RBFOX3: variants seen among roughly 807,000 people sequenced by gnomAD.
RBFOX3 encodes RNA binding protein fox-1 homolog 3.
RBFOX3 carries 17 observed loss-of-function variants against 48.7 expected under a neutral mutation model. The observed-to-expected ratio is 0.35, with a 90% CI of 0.24 to 0.52. The LOEUF is 0.52. RBFOX3 is among the 20% of genes least tolerant of loss of function. The pLI, the probability that RBFOX3 is intolerant of heterozygous loss-of-function variation, is 0.94. For missense variants in RBFOX3, 382 were observed against 497.5 expected (o/e 0.77, Z 2.21); for synonymous variants, 212 against 209.5 (o/e 1.01, Z -0.10).
chr17:79,127,385 G>C (rs2037573061), intron 4 of RBFOX3, among the ~76,000 whole-genome samples: 1 of 152,242 alleles, frequency 6.6e-6, no homozygotes, highest in Non-Finnish European at 1.5e-5. Flanking sequence ...GGAGAAGCAG[G>C]TGTCCAGAGC....
At chr17:79,325,993 G>A (rs1279849144) in intron 2 of RBFOX3, among the ~76,000 whole-genome samples, 4 of 152,246 alleles carry the variant, frequency 2.6e-5, no homozygotes, top group African/African-American at 7.2e-5. Flanking sequence ...ACAGCTAGAA[G>A]AGTGTCCATT....
chr17:79,405,013 T>TGCTGGG (rs1386102791), intron 2 of RBFOX3, among the ~76,000 whole-genome samples: 1 of 152,192 alleles, frequency 6.6e-6, no homozygotes, highest in Admixed American at 6.5e-5. Context: ...CACGGCAGGA[T>TGCTGGG]GCTGGGACTC....
At chr17:79,467,519 A>G (rs1240109628) in intron 2 of RBFOX3, among the ~76,000 whole-genome samples, 5 of 152,192 alleles carry the variant, frequency 3.3e-5, no homozygotes, top group Non-Finnish European at 7.3e-5. Flanking sequence ...GGCATGTCCC[A>G]GCTGTGCACC....
At chr17:79,566,313 T>A (rs1475462671) in intron 1 of RBFOX3, among the ~76,000 whole-genome samples, 1 of 152,214 alleles carries the variant, frequency 6.6e-6, no homozygotes. Context: ...AGGCTGGGCC[T>A]GGGGTCTCCA....
intron 3 of RBFOX3, among the ~76,000 whole-genome samples, chr17:79,248,534 C>A (rs2063489769): frequency 6.6e-6 from 1 of 152,208 alleles, no homozygotes; most frequent in African/African-American, 2.4e-5. Flanking sequence ...GTCATTTCCA[C>A]GTGTTAAACT....
At chr17:79,555,375 A>G (rs1213239429) in intron 1 of RBFOX3, among the ~76,000 whole-genome samples, 70 of 1,298 alleles carry the variant, frequency 0.054, no homozygotes, top group Middle Eastern at 0.25. Flanking sequence ...TGATGATGGT[A>G]GTTGTGGTGG....
chr17:79,650,479 C>A, the RBFOX3 span, among the ~76,000 whole-genome samples: 1 of 152,004 alleles, frequency 6.6e-6, no homozygotes, highest in Non-Finnish European at 1.5e-5. Flanking sequence ...CTGCACCCTG[C>A]CAGCCTCATT....
Position 79,477,179 on chromosome 17 carries a change from G to C in RBFOX3, c.-175+5275C>G. On this transcript the variant is annotated intron_variant, in intron 2 of 14. Transcript: ENST00000693108. This position sits in a 1 kb window ranked among gnomAD's most constrained non-coding sequence, Gnocchi z 4.8. ...ACCCAGGAGGTAGAGGTTGCAGTGAGCTGAGATCGCGCCACTGCACTCCAG... is the reference window on the plus strand; with the variant it reads ...ACCCAGGAGGTAGAGGTTGCAGTGACCTGAGATCGCGCCACTGCACTCCAG... Among the ~76,000 whole-genome samples, 1 of 150,088 alleles carries C rather than the reference G, an allele frequency of 6.7e-6. No homozygotes were observed. The highest frequency in any genetic ancestry group is 6.7e-5 in the Admixed American group (1 of 15,004).
chr17:79,258,574 G>A (rs934068702), intron 3 of RBFOX3, among the ~76,000 whole-genome samples: 3 of 152,210 alleles, frequency 2.0e-5, no homozygotes, highest in Admixed American at 2.0e-4. Flanking sequence ...CGACACTCAG[G>A]GGTCAGATCC....
At chr17:79,226,942 G>A (rs899006599) in intron 4 of RBFOX3, among the ~76,000 whole-genome samples, 2 of 152,236 alleles carry the variant, frequency 1.3e-5, no homozygotes, top group Non-Finnish European at 2.9e-5. Context: ...GACCTGCCAG[G>A]CCTGGGGGAA....
At chr17:79,606,909 A>G (rs2093844074) in intron 1 of RBFOX3, among the ~76,000 whole-genome samples, 1 of 152,196 alleles carries the variant, frequency 6.6e-6, no homozygotes, top group African/African-American at 2.4e-5. Context: ...AGAGGAAGAG[A>G]TAGACGGACA....
intron 2 of RBFOX3, among the ~76,000 whole-genome samples, chr17:79,429,170 A>T (rs903643574): frequency 2.0e-5 from 3 of 152,258 alleles, no homozygotes; most frequent in Non-Finnish European, 4.4e-5. Context: ...GCCGTGGAGC[A>T]TGCTCCTTGC....
chr17:79,358,326 C>T (rs9914874), intron 2 of RBFOX3, among the ~76,000 whole-genome samples: 71,293 of 152,100 alleles, frequency 0.47, 16,907 homozygotes, highest in South Asian at 0.57. Context: ...GTCTTCCCCT[C>T]CCCAGCACTG....
intron 2 of RBFOX3, among the ~76,000 whole-genome samples, chr17:79,449,331 T>C (rs11658391): frequency 0.05 from 7,600 of 151,950 alleles, 294 homozygotes; most frequent in East Asian, 0.17. Context: ...GCCCCCACGA[T>C]CCTTCCTCCC....
chr17:79,538,593 T>G (rs1555789360), intron 1 of RBFOX3, among the ~76,000 whole-genome samples: 1 of 152,222 alleles, frequency 6.6e-6, no homozygotes, highest in Non-Finnish European at 1.5e-5. Flanking sequence ...AGAATCATCC[T>G]CGCCAGCCCC....
intron 2 of RBFOX3, among the ~76,000 whole-genome samples, chr17:79,335,356 A>G (rs2081028316): frequency 6.6e-6 from 1 of 152,230 alleles, no homozygotes; most frequent in South Asian, 2.1e-4. Flanking sequence ...GAAATGAAAC[A>G]TCATGTAAGT....
At chr17:79,506,496 T>C (rs1373898013) in intron 1 of RBFOX3, among the ~76,000 whole-genome samples, 3 of 152,174 alleles carry the variant, frequency 2.0e-5, no homozygotes, top group Non-Finnish European at 2.9e-5. Context: ...ATTCTAAATA[T>C]TGTCAGATGT....
intron 1 of RBFOX3, among the ~76,000 whole-genome samples, chr17:79,514,063 T>C (rs926011140): frequency 6.6e-6 from 1 of 152,192 alleles, no homozygotes; most frequent in East Asian, 1.9e-4. Context: ...CGGTGTACTT[T>C]CCTGGTATTT....
chr17:79,229,889 T>C (rs2060797442), intron 4 of RBFOX3, among the ~76,000 whole-genome samples: 1 of 152,198 alleles, frequency 6.6e-6, no homozygotes. Context: ...TTCCTGCCTT[T>C]TGAACAGGCC....
Sources: gnomAD v4.1 joint callset for allele counts (sites outside exome capture counted in the v4.1 genomes callset) on GRCh38, gnomAD v4.1.1 for gene constraint, Gnocchi (gnomAD v3.1) non-coding constraint, MANE v1.5 for transcripts, NCBI Gene and HGNC (gene_info 2026-07-23, HGNC 2026-07-21) for gene names.